Variants in RNF111 observed in about 807,000 individuals in gnomAD.
RNF111 encodes the protein ring finger protein 111, also known as E3 ubiquitin-protein ligase Arkadia.
RNF111 carries 17 observed loss-of-function variants against 95.1 expected under a neutral mutation model. The ratio of observed to expected loss-of-function variants is 0.18; its 90% confidence interval spans 0.12 to 0.27. RNF111 has a LOEUF of 0.27. Among genes scored for constraint, RNF111 ranks in the 10% least tolerant of loss-of-function variants. The pLI is 1.00. For synonymous variants in RNF111, 440 were observed against 414.8 expected (o/e 1.06, Z -0.74); for missense variants, 1,189 against 1,210.4 (o/e 0.98, Z 0.26).
rs1229895103 is a variant in RNF111 at position 59,051,470 on chromosome 15, G to GA, written c.881-822dup. On this transcript the variant is annotated intron_variant, in intron 2 of 13. Coordinates refer to ENST00000348370, the MANE Select transcript of RNF111 (RefSeq NM_017610.8). Reference sequence around the variant, plus strand: ...GAGACTCTGTCTCAAAAAAAAAAAGGAAAAAAAAAAAAAGACAAATTTTGG... The same window carrying GA: ...GAGACTCTGTCTCAAAAAAAAAAAGGAAAAAAAAAAAAAAGACAAATTTTGG... Among the ~76,000 whole-genome samples the GA allele has an allele frequency of 3.1e-3, 398 of 126,980 alleles. 2 individuals carry two copies. Among genetic ancestry groups the GA allele is most frequent in the African/African-American group, 8.0e-3 (274 of 34,424 alleles). The allele number at this position is 126,980 out of a possible 152,430, so 83.3% of individuals were successfully genotyped here. A position where few individuals can be genotyped will look rare whatever the true frequency, so the allele number is the denominator to read the frequency against.
chr15:59,009,507 AAAAAG>A (rs2039692929), intron 1 of RNF111, among the ~76,000 whole-genome samples: 4 of 151,034 alleles, frequency 2.6e-5, no homozygotes, highest in Non-Finnish European at 4.4e-5. Flanking sequence ...AATTCTAAAG[AAAAAG>A]TCTTTAGAAT....
chr15:59,029,527 T>A (rs2040802585), intron 1 of RNF111, among the ~76,000 whole-genome samples: 4 of 152,204 alleles, frequency 2.6e-5, no homozygotes. Context: ...TTCTATGCCT[T>A]AATTATTGTC....
chr15:59,034,146 A>G (rs2041054735), intron 2 of RNF111, among the ~76,000 whole-genome samples: 1 of 152,188 alleles, frequency 6.6e-6, no homozygotes, highest in African/African-American at 2.4e-5. Context: ...TTTTTATATC[A>G]CTATGTATAG....
chr15:59,006,259 A>T (rs1257784026), intron 1 of RNF111, among the ~76,000 whole-genome samples: 1 of 152,178 alleles, frequency 6.6e-6, no homozygotes, highest in African/African-American at 2.4e-5. Context: ...GTATAGTTGG[A>T]TGAATTTTGG....
intron 5 of RNF111, 73 bp downstream of exon 5, chr15:59,058,623 T>G (rs1346346276): frequency 3.0e-6 from 4 of 1,344,670 alleles, no homozygotes; most frequent in Non-Finnish European, 4.2e-6. Context: ...TGTTTTTAAG[T>G]CTAAGATTTT....
At chr15:59,058,304 C>A in intron 4 of RNF111, 52 bp from the exon 5 acceptor site, 1 of 1,388,330 alleles carries the variant, frequency 7.2e-7, no homozygotes, top group Non-Finnish European at 1.0e-6. Flanking sequence ...TAAAATATAA[C>A]CCTTTATCTA....
chr15:59,052,202 T>C, intron 2 of RNF111, 103 bp from the exon 3 acceptor site: 1 of 1,052,580 alleles, frequency 9.5e-7, no homozygotes, highest in Non-Finnish European at 1.3e-6. Flanking sequence ...AGATTTTTAT[T>C]TTTGCAATGA....
In RNF111 at chr15:59,031,259, A is replaced by G. The variant is rs1428679336; in HGVS notation, c.437A>G (p.His146Arg). Residue 146 changes from histidine to arginine, a missense_variant, in exon 2 of 14, where the codon CAT (histidine) becomes CGT (arginine). Transcript: ENST00000348370. ...DCLSSPSSSL[H>R]FGDSDTVTSD... is the part of the protein sequence containing the mutation. ...CTTTCTTCTCCTTCATCTAGTCTGC[A>G]TTTTGGAGATTCTGATACTGTGACT... The G allele has an allele frequency of 6.2e-7, 1 of 1,614,136 alleles. No individual in the cohort carries two copies.
At chr15:59,024,852 C>T (rs1567220844) in intron 1 of RNF111, among the ~76,000 whole-genome samples, 1 of 152,170 alleles carries the variant, frequency 6.6e-6, no homozygotes, top group Non-Finnish European at 1.5e-5. Context: ...CTCAGGTCCT[C>T]GCAACCACCA....
At chr15:59,011,593 C>T (rs1292422816) in intron 1 of RNF111, among the ~76,000 whole-genome samples, 1 of 152,152 alleles carries the variant, frequency 6.6e-6, no homozygotes, top group African/African-American at 2.4e-5. Context: ...GGCCCCTCTT[C>T]TTGGTTTATA....
intron 8 of RNF111, among the ~76,000 whole-genome samples, chr15:59,082,186 A>T (rs1038860736): frequency 2.0e-5 from 3 of 152,222 alleles, no homozygotes; most frequent in Non-Finnish European, 2.9e-5. Flanking sequence ...TATGTGTTGA[A>T]AAAACAAGTT....
At chr15:59,029,983 T>G (rs1463824952) in intron 1 of RNF111, among the ~76,000 whole-genome samples, 1 of 152,248 alleles carries the variant, frequency 6.6e-6, no homozygotes, top group Non-Finnish European at 1.5e-5. Context: ...TATTTCATTT[T>G]GAGTCATGAT....
chr15:59,038,509 A>G (rs1800394987), intron 2 of RNF111, among the ~76,000 whole-genome samples: 1 of 152,022 alleles, frequency 6.6e-6, no homozygotes, highest in African/African-American at 2.4e-5. Context: ...TGGTTTTATG[A>G]TTTTATTTGG....
chr15:59,067,277 C>G (rs551520783), intron 6 of RNF111, among the ~76,000 whole-genome samples, 194 bp downstream of exon 6: 5 of 149,256 alleles, frequency 3.3e-5, no homozygotes, highest in African/African-American at 1.2e-4. Flanking sequence ...TTCTTCCTTC[C>G]TTTCCTCTCT....
Position 59,097,372 on chromosome 15 carries a change from C to G in RNF111, c.*2472C>G, listed in dbSNP as rs139850173. 7.5e-3 allele frequency: 1,142 copies of G among 152,078 alleles called. 7 individuals carry two copies. Among genetic ancestry groups the G allele is most frequent in the African/African-American group, 0.026 (1,090 of 41,452 alleles). 9.4% of individuals were successfully genotyped at this position (152,078 alleles called of 1,614,324 possible). A position where few individuals can be genotyped will look rare whatever the true frequency, so the allele number is the denominator to read the frequency against. On this transcript the variant is annotated 3_prime_UTR_variant, in exon 14 of 14. Transcript: ENST00000348370. ...CTTTCTTTTAGCTGCTAGCACACTT[C>G]AGCATTTGAACCATAACAGTTGTGA...
At chr15:59,084,772 A>AC (rs1206368082) in intron 9 of RNF111, among the ~76,000 whole-genome samples, 2 of 148,878 alleles carry the variant, frequency 1.3e-5, no homozygotes, top group East Asian at 2.0e-4. Flanking sequence ...CTCATTCATG[A>AC]CCCCCCACCC....
At chr15:59,082,489 CT>C (rs1204563365) in intron 8 of RNF111, among the ~76,000 whole-genome samples, 7 of 151,926 alleles carry the variant, frequency 4.6e-5, no homozygotes, top group African/African-American at 1.5e-4. Context: ...TATGAAAATC[CT>C]TTTTTTTCTT....
At chr15:58,998,012 C>A (rs988219456) in intron 1 of RNF111, among the ~76,000 whole-genome samples, 5 of 151,648 alleles carry the variant, frequency 3.3e-5, no homozygotes, top group Admixed American at 2.6e-4. Flanking sequence ...TGAATCAATT[C>A]TCCTGCCTCA....
chr15:59,073,517 T>C (rs2043034890), intron 6 of RNF111, among the ~76,000 whole-genome samples: 1 of 151,960 alleles, frequency 6.6e-6, no homozygotes, highest in African/African-American at 2.4e-5. Flanking sequence ...CTTTCTTTGC[T>C]CCTCCGTCAG....
Sources: allele counts gnomAD v4.1 joint callset (sites outside exome capture counted in the v4.1 genomes callset), GRCh38; gene constraint gnomAD v4.1.1; transcripts MANE v1.5; gene names NCBI Gene and HGNC (gene_info 2026-07-23, HGNC 2026-07-21).